HDAC9: variants seen among roughly 807,000 people sequenced by gnomAD.
HDAC9 encodes the protein histone deacetylase 9.
A neutral mutation model predicts 139.4 loss-of-function variants in HDAC9; 41 were observed. The ratio of observed to expected loss-of-function variants is 0.29; its 90% CI spans 0.23 to 0.38. The LOEUF is 0.38. Among genes scored for constraint, HDAC9 ranks in the 10% least tolerant of loss-of-function variants. HDAC9 has a pLI of 1.00. For synonymous variants in HDAC9, 517 were observed against 476.2 expected (o/e 1.09, Z -1.12); for missense variants, 1,147 against 1,297.0 (o/e 0.88, Z 1.78).
At chr7:18,217,622 C>T (rs749844062) in intron 2 of HDAC9, among the ~76,000 whole-genome samples, 15 of 152,048 alleles carry the variant, frequency 9.9e-5, no homozygotes, top group Admixed American at 2.0e-4. Flanking sequence ...GAGAATCCTT[C>T]GGAAACATTT....
intron 2 of HDAC9, among the ~76,000 whole-genome samples, chr7:18,538,543 G>A (rs1811644802): frequency 6.6e-6 from 1 of 152,072 alleles, no homozygotes; most frequent in Non-Finnish European, 1.5e-5. Flanking sequence ...GCTATTTAAC[G>A]GCCATGAGCC....
intron 1 of HDAC9, among the ~76,000 whole-genome samples, chr7:18,324,266 G>T (rs553282354): frequency 6.6e-6 from 1 of 152,220 alleles, no homozygotes; most frequent in African/African-American, 2.4e-5. Context: ...ATTTATTATG[G>T]CTACAAAATG....
Position 18,985,566 on chromosome 7 carries a change from G to A in HDAC9, c.3170+9613G>A, listed in dbSNP as rs531882670. 7.9e-5 allele frequency among the ~76,000 whole-genome samples: 12 copies of A among 151,066 alleles called. No individual in the cohort carries two copies. In the East Asian group the frequency reaches 1.2e-3, roughly 15 times the overall value. ...TGTCTTTAGAGCAGCATGATTTATA[G>A]TCCTTTGGGTATATACCCAGTAATG... On this transcript the variant is annotated intron_variant, in intron 25 of 25. Coordinates refer to ENST00000686413, the MANE Select transcript of HDAC9 (RefSeq NM_178425.4).
chr7:18,101,128 A>G (rs1216625487), intron 1 of HDAC9, among the ~76,000 whole-genome samples: 1 of 152,246 alleles, frequency 6.6e-6, no homozygotes. Context: ...TGAATATTCA[A>G]GGGGGGAGCT....
At chr7:18,301,599 A>G (rs17675101) in intron 1 of HDAC9, among the ~76,000 whole-genome samples, 34,913 of 152,086 alleles carry the variant, frequency 0.23, 4,121 homozygotes, top group Middle Eastern at 0.25. Context: ...TTTGACTCCT[A>G]CTGCATTTGA....
chr7:18,392,877 A>G (rs1386328863), intron 1 of HDAC9, among the ~76,000 whole-genome samples: 2 of 146,968 alleles, frequency 1.4e-5, no homozygotes, highest in African/African-American at 5.0e-5. Flanking sequence ...CAGAGTTAAC[A>G]GTTCACTAAA....
At chr7:18,098,349 G>A (rs1171604885) in intron 1 of HDAC9, among the ~76,000 whole-genome samples, 2 of 152,182 alleles carry the variant, frequency 1.3e-5, no homozygotes, top group Non-Finnish European at 2.9e-5. Flanking sequence ...GAATCTAGTA[G>A]TATGTAATGG....
At chr7:18,524,770 A>T (rs1806248858) in intron 2 of HDAC9, among the ~76,000 whole-genome samples, 1 of 151,616 alleles carries the variant, frequency 6.6e-6, no homozygotes, top group African/African-American at 2.4e-5. Context: ...TGCCTAATGG[A>T]TTATTACCTC....
At chr7:18,361,467 C>T (rs1232872609) in intron 1 of HDAC9, among the ~76,000 whole-genome samples, 2 of 152,150 alleles carry the variant, frequency 1.3e-5, no homozygotes, top group African/African-American at 4.8e-5. Flanking sequence ...TTCTTTACCA[C>T]TGCACCTCAA....
At chr7:18,218,874 A>T (rs943767098) in intron 2 of HDAC9, among the ~76,000 whole-genome samples, 10 of 152,176 alleles carry the variant, frequency 6.6e-5, no homozygotes, top group Non-Finnish European at 1.5e-4. Flanking sequence ...TCTTGTCTAC[A>T]AATCCTTGAG....
intron 22 of HDAC9, among the ~76,000 whole-genome samples, chr7:18,896,577 C>T (rs539370766): frequency 6.6e-6 from 1 of 151,994 alleles, no homozygotes; most frequent in Admixed American, 6.6e-5. Context: ...CTGCCCAGAC[C>T]CCATTAAGTG....
intron 13 of HDAC9, among the ~76,000 whole-genome samples, chr7:18,742,552 T>C (rs1409414482): frequency 6.6e-6 from 1 of 152,230 alleles, no homozygotes; most frequent in African/African-American, 2.4e-5. Context: ...ATATTTGCTT[T>C]ATTCGGATGA....
At chr7:18,432,276 G>C (rs948352458) in intron 1 of HDAC9, among the ~76,000 whole-genome samples, 4 of 152,148 alleles carry the variant, frequency 2.6e-5, no homozygotes, top group Non-Finnish European at 5.9e-5. Flanking sequence ...TTTCTTTTTA[G>C]CTCTGGGTAC....
Position 18,666,455 on chromosome 7 carries a change from G to C in HDAC9, c.1710G>C (p.Glu570Asp). ...AGATCCAGGAAATGGAATCTGGGGA[G>C]CAGGCTGCTTTTATGCAACAGGTAA... is the stretch of plus-strand genomic sequence containing the variant. Reference protein sequence around the residue: ...DAQIQEMESGEQAAFMQQPFL... With the variant: ...DAQIQEMESGDQAAFMQQPFL... Residue 570 changes from glutamate (E) to aspartate (D), a missense_variant, in exon 12 of 26, where the codon GAG becomes GAC. Transcript: ENST00000686413. The C allele has an allele frequency of 1.9e-6, 3 of 1,610,616 alleles. No individual in the cohort carries two copies. Among genetic ancestry groups the C allele is most frequent in the South Asian group, 2.2e-5 (2 of 90,844 alleles).
At chr7:18,093,619 C>T (rs923127493) in intron 1 of HDAC9, among the ~76,000 whole-genome samples, 1 of 152,138 alleles carries the variant, frequency 6.6e-6, no homozygotes, top group African/African-American at 2.4e-5. Context: ...AAATCAAAAG[C>T]ACTGTGTCTC....
chr7:18,441,415 A>C (rs1791745887), intron 1 of HDAC9, among the ~76,000 whole-genome samples: 1 of 152,212 alleles, frequency 6.6e-6, no homozygotes, highest in Admixed American at 6.5e-5. Flanking sequence ...AAAATGTTAA[A>C]TGTTTAAATA....
intron 1 of HDAC9, among the ~76,000 whole-genome samples, chr7:18,109,669 C>T (rs1783479098): frequency 6.6e-6 from 1 of 151,750 alleles, no homozygotes; most frequent in African/African-American, 2.4e-5. Context: ...CTTTTCTCCC[C>T]TTAATGTAAT....
At chr7:18,325,696 A>T (rs1449459038) in intron 1 of HDAC9, 2 of 151,936 alleles carry the variant, frequency 1.3e-5, no homozygotes, top group Non-Finnish European at 2.9e-5. Flanking sequence ...AAAAATAATA[A>T]AATAAGTGTT....
At chr7:18,437,662 C>T (rs980351926) in intron 1 of HDAC9, among the ~76,000 whole-genome samples, 11 of 151,214 alleles carry the variant, frequency 7.3e-5, no homozygotes, top group Non-Finnish European at 2.9e-5. Context: ...ATGCAGTGTT[C>T]GAAAATAATT....
Sources: allele counts gnomAD v4.1 joint callset (sites outside exome capture counted in the v4.1 genomes callset), GRCh38; gene constraint gnomAD v4.1.1; transcripts MANE v1.5; gene names NCBI Gene and HGNC (gene_info 2026-07-23, HGNC 2026-07-21).